GYG2: variants seen among roughly 807,000 people sequenced by gnomAD.
GYG2 encodes the protein glycogenin-2.
In GYG2, 29 loss-of-function variants were observed where a neutral mutation model predicts 29.4. The ratio of observed to expected loss-of-function variants is 0.99; its 90% CI spans 0.74 to 1.35. GYG2 has a LOEUF of 1.35. Ranked by LOEUF, GYG2 falls within the 40% of genes most tolerant of loss-of-function variation. The probability of loss-of-function intolerance (pLI) is 0.00; values close to 1 mark genes in which losing one functional copy is unlikely to be tolerated. For synonymous variants in GYG2, 167 were observed against 172.3 expected, an observed-to-expected ratio of 0.97 and a Z score of 0.24; for missense variants, 370 against 385.7, an observed-to-expected ratio of 0.96 and a Z score of 0.34.
At chrX:2,869,635 G>C (rs1487178570) in intron 8 of GYG2, among the ~76,000 whole-genome samples, 1 of 112,225 alleles carries the variant, frequency 8.9e-6, no homozygotes, top group African/African-American at 3.2e-5. Context: ...AGGTTGACGT[G>C]TTTTGGTTTT....
rs1202098026 is a variant in GYG2, at chrX:2,856,962, T to TC, written c.614+338_614+339insC. The stretch of plus-strand genomic sequence containing the variant: ...CTACCTATATAGGCCTAGACATCTG[T>TC]TTATCTATCTATCTATCTATCTATC... On this transcript the variant is annotated intron_variant, in intron 6 of 10. Coordinates refer to ENST00000398806, the MANE Select transcript of GYG2 (RefSeq NM_001079855.2). Among the ~76,000 whole-genome samples the TC allele has an allele frequency of 5.3e-4, 15 of 28,504 alleles. No individual in the cohort carries two copies. In the African/African-American group the frequency reaches 5.7e-3, roughly 11 times the overall value. The allele number at this position is 28,504 out of a possible 115,157, so 24.8% of individuals were successfully genotyped here.
rs760583657 is a variant in GYG2 at position 2,881,200 on chromosome X, G to T, written c.1400G>T (p.Arg467Leu). ...GCTCGCATCCAGGAGAAGCTGGACCGGTTCCTGCAGTAATCCGGCAGCTGG... is the reference window on the plus strand; with the variant it reads ...GCTCGCATCCAGGAGAAGCTGGACCTGTTCCTGCAGTAATCCGGCAGCTGG... ...AFARIQEKLD[R>L]FLQ The change falls in exon 11 of 11, where the codon CGG (arginine) becomes CTG (leucine). Residue 467 changes from arginine to leucine, a missense_variant. Coordinates refer to ENST00000398806, the MANE Select transcript of GYG2 (RefSeq NM_001079855.2). The T allele has an allele frequency of 2.5e-5, 30 of 1,185,070 alleles. No homozygotes were observed. The highest frequency in any genetic ancestry group is 3.3e-5 in the Non-Finnish European group (29 of 881,990).
intron 2 of GYG2, 63 bp downstream of exon 2, chrX:2,830,258 G>C: frequency 7.0e-6 from 7 of 998,970 alleles, no homozygotes; most frequent in Non-Finnish European, 1.0e-5. Flanking sequence ...TGACAGATTG[G>C]TCTGCACTGG....
chrX:2,868,456 CAAAAAAA>C (rs148463105), intron 8 of GYG2, among the ~76,000 whole-genome samples: 1 of 32,493 alleles, frequency 3.1e-5, no homozygotes, highest in African/African-American at 8.8e-5. Flanking sequence ...GACTCCGTCT[CAAAAAAA>C]AAAAAAAAAA....
At chrX:2,860,177 A>G (rs906299690) in intron 7 of GYG2, 112 bp downstream of exon 7, 10 of 464,765 alleles carry the variant, frequency 2.2e-5, no homozygotes, top group African/African-American at 1.7e-4. Flanking sequence ...TAAATACTGT[A>G]TTTCATGGAA....
At chrX:2,846,319 C>T (rs750063261) in intron 3 of GYG2, among the ~76,000 whole-genome samples, 29 of 106,796 alleles carry the variant, frequency 2.7e-4, no homozygotes, top group African/African-American at 8.5e-4. Flanking sequence ...TGCCCGCCTC[C>T]GCCTCCCAAA....
At chrX:2,877,148 T>C in intron 9 of GYG2, 52 bp from the exon 10 acceptor site, 9 of 1,196,279 alleles carry the variant, frequency 7.5e-6, no homozygotes, top group Non-Finnish European at 1.0e-5. Flanking sequence ...AGGTTAGGGC[T>C]ACAGTTCCCT....
intron 2 of GYG2, among the ~76,000 whole-genome samples, chrX:2,839,110 G>T (rs2087442351): frequency 8.9e-6 from 1 of 112,470 alleles, no homozygotes; most frequent in Non-Finnish European, 1.9e-5. Flanking sequence ...GTCTGAATTT[G>T]TCAAGCTTAT....
intron 8 of GYG2, among the ~76,000 whole-genome samples, chrX:2,867,564 G>A (rs752424453): frequency 1.4e-4 from 16 of 111,247 alleles, no homozygotes; most frequent in Non-Finnish European, 2.6e-4. Flanking sequence ...GAGGGGGGAC[G>A]CCTGCATAGG....
intron 3 of GYG2, chrX:2,853,016 T>A (rs2087901528): frequency 1.8e-5 from 2 of 110,614 alleles, no homozygotes; most frequent in African/African-American, 6.6e-5. Context: ...ATGACTTTAT[T>A]TTTTTGTTTG....
chrX:2,844,782 G>GTGTATATGTA (rs1569056862), intron 3 of GYG2, among the ~76,000 whole-genome samples: 1 of 1,993 alleles, frequency 5.0e-4, no homozygotes, highest in African/African-American at 5.7e-4. Context: ...GTACACGTAT[G>GTGTATATGTA]CATATATATA....
chrX:2,871,846 C>T (rs2088479841), intron 8 of GYG2, among the ~76,000 whole-genome samples: 1 of 112,118 alleles, frequency 8.9e-6, no homozygotes, highest in Non-Finnish European at 1.9e-5. Flanking sequence ...CATTTCAGTT[C>T]CTGAGCTGAT....
At chrX:2,879,467 C>T (rs1375317361) in intron 10 of GYG2, among the ~76,000 whole-genome samples, 1 of 110,943 alleles carries the variant, frequency 9.0e-6, no homozygotes, top group Non-Finnish European at 1.9e-5. Flanking sequence ...GGGGTTTCAC[C>T]ATGTTGGCCG....
chrX:2,841,623 A>G (rs1257715772), intron 2 of GYG2, among the ~76,000 whole-genome samples: 1 of 111,835 alleles, frequency 8.9e-6, no homozygotes, highest in African/African-American at 3.2e-5. Context: ...TAACAGGCAC[A>G]TTTTGGAATT....
chrX:2,866,168 T>C (rs1269289091), intron 8 of GYG2, among the ~76,000 whole-genome samples: 1 of 111,931 alleles, frequency 8.9e-6, no homozygotes, highest in Admixed American at 9.5e-5. Context: ...TTCTCACTCA[T>C]CTGTGGGAGC....
At chrX:2,876,671 G>T (rs757448031) in intron 9 of GYG2, among the ~76,000 whole-genome samples, 3 of 110,642 alleles carry the variant, frequency 2.7e-5, no homozygotes, top group South Asian at 7.9e-4. Context: ...TTATAGTGCC[G>T]GCCGCGGTGG....
chrX:2,857,290 T>TATC (rs1555898987), intron 6 of GYG2, among the ~76,000 whole-genome samples: 5 of 34,065 alleles, frequency 1.5e-4, no homozygotes, highest in African/African-American at 1.1e-3. Flanking sequence ...TATAAACATC[T>TATC]TATCTATCTA....
At chrX:2,836,221 C>T (rs1342034789) in intron 2 of GYG2, among the ~76,000 whole-genome samples, 5 of 111,184 alleles carry the variant, frequency 4.5e-5, no homozygotes, top group Admixed American at 9.6e-5. Flanking sequence ...GCTTTCAGGG[C>T]AGCTGATGGC....
chrX:2,858,331 T>C (rs5939373), intron 6 of GYG2, among the ~76,000 whole-genome samples: 52,506 of 109,344 alleles, frequency 0.48, 9,417 homozygotes, highest in African/African-American at 0.61. Context: ...CCGAATGTGG[T>C]GTCGCACACC....
Sources: allele counts gnomAD v4.1 joint callset (sites outside exome capture counted in the v4.1 genomes callset), GRCh38; gene constraint gnomAD v4.1.1; transcripts MANE v1.5; gene names NCBI Gene and HGNC (gene_info 2026-07-23, HGNC 2026-07-21).